EXT1: variants seen among roughly 807,000 people sequenced by gnomAD.
EXT1 encodes the protein exostosin glycosyltransferase 1, also known as exostosin-1.
A neutral mutation model predicts 82.5 loss-of-function variants in EXT1; 20 were observed. The ratio of observed to expected loss-of-function variants is 0.24; its 90% CI spans 0.17 to 0.35. The LOEUF (loss-of-function observed/expected upper bound fraction) is 0.35, where lower values mean the gene tolerates loss of function less well. Among genes scored for constraint, EXT1 ranks in the 10% least tolerant of loss-of-function variants. The pLI is 1.00. For synonymous variants in EXT1, 348 were observed against 350.8 expected (o/e 0.99, Z 0.09); for missense variants, 757 against 936.5 (o/e 0.81, Z 2.50).
chr8:118,013,410 T>C (rs916415119), intron 1 of EXT1, among the ~76,000 whole-genome samples: 2 of 152,208 alleles, frequency 1.3e-5, no homozygotes, highest in Non-Finnish European at 2.9e-5. Context: ...GGTTTTACCA[T>C]GTTGGCCAGG....
chr8:117,887,208 TA>T (rs984910864), intron 1 of EXT1, among the ~76,000 whole-genome samples: 103 of 152,314 alleles, frequency 6.8e-4, no homozygotes, highest in African/African-American at 2.3e-3. Flanking sequence ...ATTGGCCAAT[TA>T]TTTTTTTAGG....
At chr8:118,084,074 G>A (rs1817378290) in intron 1 of EXT1, among the ~76,000 whole-genome samples, 1 of 152,104 alleles carries the variant, frequency 6.6e-6, no homozygotes, top group South Asian at 2.1e-4. Context: ...TGGATCCTGA[G>A]GAACTTATCT....
chr8:118,103,457 A>G (rs989784426), intron 1 of EXT1, among the ~76,000 whole-genome samples: 4 of 152,192 alleles, frequency 2.6e-5, no homozygotes, highest in Admixed American at 6.5e-5. Context: ...CAGCCTGTGT[A>G]TAACGCTTAT....
At position 118,053,593 on chromosome 8, in the gene EXT1, CT is replaced by C. The variant is rs1309172775; in HGVS notation, c.962+56491del. Among the ~76,000 whole-genome samples, 18 of 152,190 alleles carry C rather than the reference CT, an allele frequency of 1.2e-4. 1 individual carries two copies. The highest frequency in any genetic ancestry group is 4.3e-4 in the African/African-American group (18 of 41,444). ...AGAGAGCTAGAGACAGGAAGATCCC[CT>C]TTTCTTCAAAGTCTTTCCAATAAAG... On this transcript the variant is annotated intron_variant, in intron 1 of 10. Coordinates refer to ENST00000378204, the MANE Select transcript of EXT1 (RefSeq NM_000127.3).
chr8:118,015,015 C>T (rs1351725252), intron 1 of EXT1, among the ~76,000 whole-genome samples: 1 of 152,196 alleles, frequency 6.6e-6, no homozygotes, highest in Non-Finnish European at 1.5e-5. Context: ...AAAGACCATA[C>T]ATAAAACCCC....
At chr8:117,821,106 G>A (rs968548235) in intron 5 of EXT1, among the ~76,000 whole-genome samples, 1 of 152,158 alleles carries the variant, frequency 6.6e-6, no homozygotes, top group Non-Finnish European at 1.5e-5. Context: ...GCTTAACTGC[G>A]AGCAACACAG....
rs144689047 is a variant in EXT1 at position 117,933,402 on chromosome 8, C to T, written c.963-96201G>A. 3.4e-3 allele frequency among the ~76,000 whole-genome samples: 521 copies of T among 152,174 alleles called. 3 individuals carry two copies. The highest frequency in any genetic ancestry group is 0.011 in the African/African-American group (472 of 41,534). ...GCTGGATTACAGGCGCACACCATCA[C>T]GCCCAGCTAATTTTTGTATTTTTAG... is the stretch of plus-strand genomic sequence containing the variant. On this transcript the variant is annotated intron_variant, in intron 1 of 10. Coordinates refer to ENST00000378204, the MANE Select transcript of EXT1 (RefSeq NM_000127.3).
intron 1 of EXT1, among the ~76,000 whole-genome samples, chr8:117,850,287 T>C (rs1464555724): frequency 6.6e-6 from 1 of 152,250 alleles, no homozygotes; most frequent in Admixed American, 6.5e-5. Flanking sequence ...GTGTGTCAGA[T>C]AGATAGCTGC....
chr8:118,063,767 AAGTATT>A (rs1319022890), intron 1 of EXT1, among the ~76,000 whole-genome samples: 4 of 152,256 alleles, frequency 2.6e-5, no homozygotes, highest in Admixed American at 2.6e-4. Context: ...GTTTTACTTT[AAGTATT>A]AACTTCTCAG....
intron 1 of EXT1, among the ~76,000 whole-genome samples, chr8:117,879,512 C>T (rs1017471943): frequency 6.6e-6 from 1 of 151,416 alleles, no homozygotes; most frequent in South Asian, 2.1e-4. Flanking sequence ...GTAAATTCTT[C>T]CTGAGATCCA....
At position 118,082,632 on chromosome 8, in the gene EXT1, T is replaced by A. The variant is rs75316380; in HGVS notation, c.962+27453A>T. On this transcript the variant is annotated intron_variant, in intron 1 of 10. Coordinates refer to ENST00000378204, the MANE Select transcript of EXT1 (RefSeq NM_000127.3). ...TTTAACAAGAAACAGATGGGCAAAA[T>A]TTAAGTAAATGTGGGGTATCAATTT... Among the ~76,000 whole-genome samples, 1,204 of 152,290 alleles carry A rather than the reference T, an allele frequency of 7.9e-3. 21 individuals carry two copies. Among genetic ancestry groups the A allele is most frequent in the African/African-American group, 0.027 (1,142 of 41,562 alleles).
chr8:117,936,602 C>T (rs1178901025), intron 1 of EXT1, among the ~76,000 whole-genome samples: 3 of 152,306 alleles, frequency 2.0e-5, no homozygotes, highest in East Asian at 1.9e-4. Flanking sequence ...GGGCCAGGCC[C>T]GGAGGCTCAC....
intron 1 of EXT1, among the ~76,000 whole-genome samples, chr8:118,029,643 A>G (rs944645613): frequency 3.9e-5 from 6 of 152,146 alleles, no homozygotes; most frequent in African/African-American, 9.7e-5. Context: ...TCTGTGTTGT[A>G]CTATGTGGCA....
At chr8:117,900,617 C>T (rs17430554) in intron 1 of EXT1, among the ~76,000 whole-genome samples, 3 of 152,156 alleles carry the variant, frequency 2.0e-5, no homozygotes, top group Non-Finnish European at 4.4e-5. Context: ...GCTATATTTG[C>T]CAAGTTGCAG....
intron 10 of EXT1, 93 bp downstream of exon 10, chr8:117,804,629 C>G: frequency 1.4e-6 from 2 of 1,401,978 alleles, no homozygotes; most frequent in South Asian, 2.3e-5. Flanking sequence ...TTATATGCTC[C>G]TGGGTGGAAC....
chr8:118,098,093 G>C (rs1406170084), intron 1 of EXT1, among the ~76,000 whole-genome samples: 2 of 152,088 alleles, frequency 1.3e-5, no homozygotes, highest in African/African-American at 4.8e-5. Flanking sequence ...TTAGTAACAT[G>C]TGAATTAACT....
chr8:117,918,591 T>A (rs1049736481), intron 1 of EXT1, among the ~76,000 whole-genome samples: 4 of 152,210 alleles, frequency 2.6e-5, no homozygotes, highest in African/African-American at 9.6e-5. Flanking sequence ...GTGTGGCCCA[T>A]AAGTGGCCTG....
intron 1 of EXT1, among the ~76,000 whole-genome samples, chr8:117,850,479 G>C (rs116304187): frequency 0.016 from 2,396 of 152,142 alleles, 69 homozygotes; most frequent in African/African-American, 0.055. Flanking sequence ...TAAAAGTTTT[G>C]GAGGTGTGAA....
intron 1 of EXT1, among the ~76,000 whole-genome samples, chr8:118,032,892 T>G (rs1816353468): frequency 6.6e-6 from 1 of 152,102 alleles, no homozygotes; most frequent in Non-Finnish European, 1.5e-5. Context: ...GGAATAAAAT[T>G]TTCTCCCAGG....
Sources: allele counts gnomAD v4.1 joint callset (sites outside exome capture counted in the v4.1 genomes callset), GRCh38; gene constraint gnomAD v4.1.1; transcripts MANE v1.5; gene names NCBI Gene and HGNC (gene_info 2026-07-23, HGNC 2026-07-21).